Variants in ADGRB3 observed in about 807,000 individuals in gnomAD.
ADGRB3 encodes the protein adhesion G protein-coupled receptor B3, also known as brain-specific angiogenesis inhibitor 3.
Under a neutral mutation model 193.4 loss-of-function variants are expected in ADGRB3, and 37 were observed. That is an observed-to-expected ratio of 0.19 (90% CI 0.15 to 0.25). ADGRB3 has a LOEUF of 0.25. Ranked by LOEUF, ADGRB3 falls within the 10% of genes least tolerant of loss-of-function variation. The pLI is 1.00. For missense variants in ADGRB3, 1,637 were observed against 1,852.9 expected (o/e 0.88, Z 2.14); for synonymous variants, 690 against 644.2 (o/e 1.07, Z -1.08).
intron 3 of ADGRB3, among the ~76,000 whole-genome samples, chr6:68,651,494 T>C (rs546760659): frequency 6.6e-6 from 1 of 152,288 alleles, no homozygotes; most frequent in Admixed American, 6.5e-5. Flanking sequence ...GAATTCTAGG[T>C]ATAATAAATA....
chr6:69,097,465 A>C (rs540012593), intron 17 of ADGRB3, among the ~76,000 whole-genome samples: 2 of 152,328 alleles, frequency 1.3e-5, no homozygotes, highest in African/African-American at 4.8e-5. Flanking sequence ...TTTTCTGGGT[A>C]CAAATGCAAT....
At chr6:68,639,488 T>A in intron 3 of ADGRB3, 56 bp downstream of exon 3, 1 of 1,486,036 alleles carries the variant, frequency 6.7e-7, no homozygotes, top group Non-Finnish European at 8.9e-7. Context: ...GGGATGGAGT[T>A]AAAACGTGCT....
intron 17 of ADGRB3, among the ~76,000 whole-genome samples, chr6:69,231,621 G>T (rs73469321): frequency 0.017 from 2,566 of 152,218 alleles, 80 homozygotes; most frequent in African/African-American, 0.054. Context: ...CTACAGTTAG[G>T]GAGAATTGGA....
At chr6:68,762,130 G>C (rs1766404172) in intron 3 of ADGRB3, among the ~76,000 whole-genome samples, 1 of 152,076 alleles carries the variant, frequency 6.6e-6, no homozygotes, top group Non-Finnish European at 1.5e-5. Flanking sequence ...GTATTTTATA[G>C]TTTTAATGCA....
At chr6:68,971,245 G>A (rs1356047781) in intron 8 of ADGRB3, among the ~76,000 whole-genome samples, 1 of 152,130 alleles carries the variant, frequency 6.6e-6, no homozygotes, top group Non-Finnish European at 1.5e-5. Context: ...AAACAATACA[G>A]TATAGCAACT....
chr6:68,928,899 G>A (rs564495464), intron 3 of ADGRB3, among the ~76,000 whole-genome samples: 3 of 152,172 alleles, frequency 2.0e-5, no homozygotes, highest in African/African-American at 7.2e-5. Context: ...ACTAAATTCC[G>A]GTGCTATTTC....
chr6:68,932,915 A>G (rs2150247027), intron 4 of ADGRB3, among the ~76,000 whole-genome samples: 1 of 97,340 alleles, frequency 1.0e-5, no homozygotes, highest in East Asian at 2.3e-4. Flanking sequence ...GGCCTCTTCA[A>G]TCAATATGAT....
At chr6:69,379,912 T>C (rs1398277727) in intron 30 of ADGRB3, among the ~76,000 whole-genome samples, 1 of 152,040 alleles carries the variant, frequency 6.6e-6, no homozygotes, top group Non-Finnish European at 1.5e-5. Flanking sequence ...CATTTCAGCG[T>C]CCTTCAGCTT....
chr6:69,367,738 A>G lies in ADGRB3; in HGVS notation c.4240-4668A>G, dbSNP rs532623184. ...TTATTCACAATAGCAAAGACTTGGAACCAACCCAAATGTCCAACAATGATA... is the reference window on the plus strand; with the variant it reads ...TTATTCACAATAGCAAAGACTTGGAGCCAACCCAAATGTCCAACAATGATA... On this transcript the variant is annotated intron_variant, in intron 29 of 31. Transcript: ENST00000370598. Among the ~76,000 whole-genome samples the G allele has an allele frequency of 3.9e-5, 6 of 152,128 alleles. No individual in the cohort carries two copies. In the South Asian group the frequency reaches 1.2e-3, roughly 32 times the overall value.
At chr6:69,111,878 G>A (rs2150325813) in intron 17 of ADGRB3, among the ~76,000 whole-genome samples, 1 of 152,252 alleles carries the variant, frequency 6.6e-6, no homozygotes, top group South Asian at 2.1e-4. Context: ...CTTTCTGGTT[G>A]GGTTGCATAT....
At chr6:69,135,371 T>A (rs1053679730) in intron 17 of ADGRB3, among the ~76,000 whole-genome samples, 1 of 151,968 alleles carries the variant, frequency 6.6e-6, no homozygotes, top group African/African-American at 2.4e-5. Flanking sequence ...CCTGGTGACG[T>A]TGGTTTCAAT....
chr6:69,330,456 C>T lies in ADGRB3; in HGVS notation c.3036-50C>T, dbSNP rs143664683. The T allele has an allele frequency of 8.9e-6, 13 of 1,468,924 alleles. No individual in the cohort carries two copies. The African/African-American group carries it at 1.3e-4, about 14-fold the overall frequency. The allele number at this position is 1,468,924 out of a possible 1,614,324, so 91.0% of individuals were successfully genotyped here. A position where few individuals can be genotyped will look rare whatever the true frequency, so the allele number is the denominator to read the frequency against. ...GTTGTTTGTATCACACGTTAGTGGTCTAATACTTGTCACTAATTTTTGTTA... is the reference window on the plus strand; with the variant it reads ...GTTGTTTGTATCACACGTTAGTGGTTTAATACTTGTCACTAATTTTTGTTA... On this transcript the variant is annotated intron_variant, in intron 22 of 31. Coordinates refer to ENST00000370598, the MANE Select transcript of ADGRB3 (RefSeq NM_001704.3).
chr6:69,381,859 T>C (rs567840849), intron 30 of ADGRB3, among the ~76,000 whole-genome samples: 8 of 151,818 alleles, frequency 5.3e-5, no homozygotes, highest in African/African-American at 1.9e-4. Flanking sequence ...TACAGTAAAA[T>C]CTTACACAAA....
intron 13 of ADGRB3, among the ~76,000 whole-genome samples, chr6:69,026,850 G>A (rs1670264333): frequency 6.6e-6 from 1 of 152,092 alleles, no homozygotes; most frequent in Admixed American, 6.6e-5. Context: ...ATTAAAAATG[G>A]TACACCCGCA....
intron 3 of ADGRB3, among the ~76,000 whole-genome samples, chr6:68,859,707 A>G (rs1289770156): frequency 6.6e-6 from 1 of 152,152 alleles, no homozygotes; most frequent in Admixed American, 6.5e-5. Context: ...CCTAGGATTC[A>G]ATTATCTCCC....
chr6:68,710,889 G>A lies in ADGRB3; in HGVS notation c.757+71457G>A, dbSNP rs114119880. On this transcript the variant is annotated intron_variant, in intron 3 of 31. Coordinates refer to ENST00000370598, the MANE Select transcript of ADGRB3 (RefSeq NM_001704.3). ...ATCTCCCTGTGTTCTTGACTCCCAC[G>A]GAAGTTTTCTTTCTGGGACCCCTTT... Among the ~76,000 whole-genome samples the A allele has an allele frequency of 9.1e-3, 1,391 of 152,130 alleles. 22 individuals are homozygous for A. The highest frequency in any genetic ancestry group is 0.032 in the African/African-American group (1,327 of 41,506).
Position 68,638,822 on chromosome 6 carries a change from T to G in ADGRB3, c.147T>G (p.Pro49=). 1 of 1,614,098 alleles carries G rather than the reference T, an allele frequency of 6.2e-7. No homozygotes were observed. Among genetic ancestry groups the G allele is most frequent in the Non-Finnish European group, 8.5e-7 (1 of 1,180,008 alleles). The change falls in exon 3 of 32, where the codon CCT becomes CCG. Residue 49 remains proline, a synonymous_variant. Coordinates refer to ENST00000370598, the MANE Select transcript of ADGRB3 (RefSeq NM_001704.3). ...YGSYSVSEMF[P]KNFTNCTWTL... is the part of the protein sequence containing the mutation. Reference sequence around the variant, plus strand: ...CGTATTCTGTAAGTGAAATGTTTCCTAAAAACTTTACAAACTGCACTTGGA... The same window carrying G: ...CGTATTCTGTAAGTGAAATGTTTCCGAAAAACTTTACAAACTGCACTTGGA...
chr6:68,854,873 C>G (rs111706709), intron 3 of ADGRB3, among the ~76,000 whole-genome samples: 2 of 152,112 alleles, frequency 1.3e-5, no homozygotes, highest in African/African-American at 4.8e-5. Flanking sequence ...CCCAGCATTG[C>G]CTTTATCTCT....
At chr6:69,343,511 GGAGAAAT>G (rs1274330893) in intron 26 of ADGRB3, among the ~76,000 whole-genome samples, 15 of 151,900 alleles carry the variant, frequency 9.9e-5, no homozygotes. Flanking sequence ...AGAAGAAAAG[GGAGAAAT>G]GATTTACTCT....
Sources: allele counts gnomAD v4.1 joint callset (sites outside exome capture counted in the v4.1 genomes callset), GRCh38; gene constraint gnomAD v4.1.1; transcripts MANE v1.5; gene names NCBI Gene and HGNC (gene_info 2026-07-23, HGNC 2026-07-21).